NCAM2: variants seen among roughly 807,000 people sequenced by gnomAD.
NCAM2 encodes neural cell adhesion molecule 2, also known as N-CAM-2.
In NCAM2, 30 loss-of-function variants were observed where a neutral mutation model predicts 98.1. The ratio of observed to expected loss-of-function variants is 0.31; its 90% confidence interval spans 0.23 to 0.41. The LOEUF is 0.41. NCAM2 is among the 10% of genes least tolerant of loss of function. The probability of loss-of-function intolerance (pLI) is 1.00; values close to 1 mark genes in which losing one functional copy is unlikely to be tolerated. For synonymous variants in NCAM2, 368 were observed against 342.4 expected (o/e 1.07, Z -0.83); for missense variants, 867 against 1,005.8 (o/e 0.86, Z 1.87).
chr21:21,292,022 T>C, intron 4 of NCAM2, 82 bp from the exon 5 acceptor site: 1 of 1,338,940 alleles, frequency 7.5e-7, no homozygotes, highest in Non-Finnish European at 1.0e-6. Context: ...CAGTGCCATA[T>C]TTTAACTCTT....
intron 1 of NCAM2, among the ~76,000 whole-genome samples, chr21:21,262,370 A>C (rs2071938662): frequency 6.6e-6 from 1 of 152,142 alleles, no homozygotes; most frequent in Admixed American, 6.6e-5. Context: ...AACCAGTATT[A>C]CCCTGATACC....
At chr21:21,453,445 T>G (rs970485422) in intron 12 of NCAM2, among the ~76,000 whole-genome samples, 1 of 152,062 alleles carries the variant, frequency 6.6e-6, no homozygotes, top group Non-Finnish European at 1.5e-5. Context: ...GCCAAGCCAA[T>G]GTCCCATGGG....
In NCAM2 at chr21:21,017,614, G is replaced by A. The variant is rs371344231; in HGVS notation, c.55+18996G>A. Among the ~76,000 whole-genome samples the A allele has an allele frequency of 2.8e-4, 42 of 151,914 alleles. No homozygotes were observed. In the South Asian group the frequency reaches 4.4e-3, roughly 16 times the overall value. On this transcript the variant is annotated intron_variant, in intron 1 of 17. Transcript: ENST00000400546. ...ACCAAAGTGAGCTATACTATTCCTC[G>A]CTTATGATTTCTTCCAAAAGCTGCA...
intron 1 of NCAM2, among the ~76,000 whole-genome samples, chr21:21,204,125 CA>C: frequency 6.6e-6 from 1 of 152,076 alleles, no homozygotes; most frequent in East Asian, 1.9e-4. Context: ...GATCCATCTT[CA>C]ATTTTGACAT....
chr21:21,225,376 G>A (rs1157190440), intron 1 of NCAM2, among the ~76,000 whole-genome samples: 1 of 151,846 alleles, frequency 6.6e-6, no homozygotes, highest in African/African-American at 2.4e-5. Context: ...TAACAAACCT[G>A]CACATCCTGC....
At chr21:21,358,096 C>T (rs1602094460) in intron 8 of NCAM2, among the ~76,000 whole-genome samples, 1 of 152,086 alleles carries the variant, frequency 6.6e-6, no homozygotes, top group Non-Finnish European at 1.5e-5. Context: ...ATTTCTCTAG[C>T]GTAATCTGCA....
chr21:21,040,173 A>G (rs2064875812), intron 1 of NCAM2, among the ~76,000 whole-genome samples: 2 of 152,200 alleles, frequency 1.3e-5, no homozygotes, highest in African/African-American at 4.8e-5. Flanking sequence ...GAAAGAGGGA[A>G]AAAACTGTAG....
At chr21:21,042,653 G>T (rs553060745) in intron 1 of NCAM2, among the ~76,000 whole-genome samples, 2 of 152,238 alleles carry the variant, frequency 1.3e-5, no homozygotes, top group Admixed American at 1.3e-4. Flanking sequence ...AAAAAATGAG[G>T]TCTGAACTGC....
chr21:21,210,578 CAGG>C, intron 1 of NCAM2: 1 of 1,288,684 alleles, frequency 7.8e-7, no homozygotes, highest in Non-Finnish European at 1.0e-6. Flanking sequence ...AGATCTGATT[CAGG>C]AGGACAAGTT....
At chr21:21,074,402 T>C (rs773154250) in intron 1 of NCAM2, among the ~76,000 whole-genome samples, 2 of 152,136 alleles carry the variant, frequency 1.3e-5, no homozygotes, top group African/African-American at 4.8e-5. Context: ...CATTTACTTA[T>C]TAATTTACAT....
chr21:21,447,915 G>A, intron 12 of NCAM2, among the ~76,000 whole-genome samples: 1 of 152,080 alleles, frequency 6.6e-6, no homozygotes, highest in East Asian at 1.9e-4. Flanking sequence ...AGAGGTTGTG[G>A]AGTAATAGGA....
chr21:21,356,883 C>T (rs919942904), intron 8 of NCAM2, among the ~76,000 whole-genome samples: 8 of 151,822 alleles, frequency 5.3e-5, no homozygotes, highest in Non-Finnish European at 7.4e-5. Context: ...CCAGCTACTC[C>T]GAAGGCTGAG....
At chr21:21,425,212 T>G (rs116167752) in intron 11 of NCAM2, among the ~76,000 whole-genome samples, 2,040 of 151,878 alleles carry the variant, frequency 0.013, 59 homozygotes, top group African/African-American at 0.047. Context: ...AATGTACGTA[T>G]GTAACTAACC....
At position 21,392,756 on chromosome 21, in the gene NCAM2, G is replaced by A. The variant is rs1229185569; in HGVS notation, c.1196-17518G>A. 2.0e-5 allele frequency among the ~76,000 whole-genome samples: 3 copies of A among 152,160 alleles called. No homozygotes were observed. The East Asian group carries it at 5.8e-4, about 29-fold the overall frequency. ...TGGCCACATGTATGTCCTCTTTTGA[G>A]AAGTGTCTGTTCATGTTCTTTGCCC... On this transcript the variant is annotated intron_variant, in intron 9 of 17. Transcript: ENST00000400546.
rs1984715999 is a variant in NCAM2, at chr21:21,473,373, A to AAAATATAT, written c.1897-3917_1897-3916insAATATATA. 2.8e-5 allele frequency among the ~76,000 whole-genome samples: 4 copies of AAAATATAT among 140,494 alleles called. No homozygotes were observed. In the South Asian group the frequency reaches 8.7e-4, roughly 31 times the overall value. 92.2% of individuals were successfully genotyped at this position (140,494 alleles called of 152,430 possible). A position where few individuals can be genotyped will look rare whatever the true frequency, so the allele number is the denominator to read the frequency against. ...ATATAATATACAAAATATATGTATA[A>AAAATATAT]ATATATATATATATATATATTATAT... On this transcript the variant is annotated intron_variant, in intron 14 of 17. Coordinates refer to ENST00000400546, the MANE Select transcript of NCAM2 (RefSeq NM_004540.5).
chr21:21,045,030 A>ATG (rs1311181036), intron 1 of NCAM2, among the ~76,000 whole-genome samples: 3 of 152,182 alleles, frequency 2.0e-5, no homozygotes, highest in Admixed American at 1.3e-4. Flanking sequence ...ATATAAAAAT[A>ATG]TGTGTGTGTG....
At chr21:21,507,761 G>C (rs1988080470) in intron 15 of NCAM2, among the ~76,000 whole-genome samples, 1 of 138,364 alleles carries the variant, frequency 7.2e-6, no homozygotes, top group African/African-American at 2.7e-5. Context: ...CTGCACTCCA[G>C]CCTGGTGACA....
At chr21:21,477,265 A>G in intron 14 of NCAM2, 26 bp from the exon 15 acceptor site, 1 of 1,547,992 alleles carries the variant, frequency 6.5e-7, no homozygotes. Context: ...GGATATTTAC[A>G]AACTGCATTT....
intron 1 of NCAM2, among the ~76,000 whole-genome samples, chr21:21,099,395 G>A (rs955667776): frequency 2.0e-5 from 3 of 151,860 alleles, no homozygotes; most frequent in African/African-American, 2.4e-5. Context: ...AGGAAGAGAG[G>A]TTTAATTGGC....
Sources: allele counts gnomAD v4.1 joint callset (sites outside exome capture counted in the v4.1 genomes callset), GRCh38; gene constraint gnomAD v4.1.1; transcripts MANE v1.5; gene names NCBI Gene and HGNC (gene_info 2026-07-23, HGNC 2026-07-21).